The following DLGAP1 variants were observed in gnomAD, a reference collection of about 807,000 sequenced individuals.
The protein encoded by DLGAP1 is disks large-associated protein 1.
In DLGAP1, 11 loss-of-function variants were observed where a neutral mutation model predicts 90.8. That is an observed-to-expected ratio of 0.12 (90% CI 0.08 to 0.20). The LOEUF is 0.20. Ranked by LOEUF, DLGAP1 falls within the 10% of genes least tolerant of loss-of-function variation. The probability of loss-of-function intolerance (pLI) is 1.00; values close to 1 mark genes in which losing one functional copy is unlikely to be tolerated. For missense variants in DLGAP1, 1,050 were observed against 1,333.8 expected (o/e 0.79, Z 3.31); for synonymous variants, 558 against 540.7 (o/e 1.03, Z -0.44).
chr18:3,737,974 C>A (rs1182844666), intron 6 of DLGAP1, among the ~76,000 whole-genome samples: 2 of 150,524 alleles, frequency 1.3e-5, no homozygotes, highest in African/African-American at 2.5e-5. Context: ...TTGTTATACA[C>A]CAACAACAGA....
At chr18:3,741,162 TCACCACCACATCAC>T (rs2062971794) in intron 6 of DLGAP1, among the ~76,000 whole-genome samples, 1 of 33,154 alleles carries the variant, frequency 3.0e-5, no homozygotes, top group African/African-American at 1.4e-4. Flanking sequence ...ACCACCACCA[TCACCACCACATCAC>T]CACCACCACC....
At chr18:4,387,649 G>A (rs1301013500) in intron 1 of DLGAP1, among the ~76,000 whole-genome samples, 1 of 152,170 alleles carries the variant, frequency 6.6e-6, no homozygotes, top group Non-Finnish European at 1.5e-5. Context: ...GAATGAAGAA[G>A]AAATGCAGCT....
intron 2 of DLGAP1, among the ~76,000 whole-genome samples, chr18:4,022,607 T>A (rs1314103079): frequency 1.3e-5 from 2 of 152,216 alleles, no homozygotes; most frequent in Non-Finnish European, 2.9e-5. Flanking sequence ...GCCATGCTAT[T>A]CATACATTGG....
intron 1 of DLGAP1, among the ~76,000 whole-genome samples, chr18:4,235,719 CTTT>C (rs1175101805): frequency 5.0e-5 from 4 of 80,252 alleles, no homozygotes; most frequent in Admixed American, 3.8e-4. Context: ...ATTTCAATGT[CTTT>C]TTTTTTTTTT....
rs145659125 is a variant in DLGAP1 at position 3,871,533 on chromosome 18, G to A, written c.957+7579C>T. On this transcript the variant is annotated intron_variant, in intron 4 of 12. Transcript: ENST00000315677. ...GTTAAAAAAATTAAGGAGAGCAAAA[G>A]TCATTTATTTTACAATTGTTGGATT... Among the ~76,000 whole-genome samples the A allele has an allele frequency of 3.6e-3, 543 of 152,192 alleles. 3 individuals carry two copies. The highest frequency in any genetic ancestry group is 0.013 in the African/African-American group (520 of 41,496).
At chr18:3,533,519 A>T (rs2052147458) in intron 10 of DLGAP1, among the ~76,000 whole-genome samples, 1 of 152,200 alleles carries the variant, frequency 6.6e-6, no homozygotes, top group Non-Finnish European at 1.5e-5. Context: ...AAAATCATAA[A>T]GAATATAAAT....
At chr18:4,198,608 A>G (rs1199330479) in intron 1 of DLGAP1, among the ~76,000 whole-genome samples, 4 of 152,218 alleles carry the variant, frequency 2.6e-5, no homozygotes, top group Admixed American at 6.5e-5. Context: ...TGAAACCCAT[A>G]TATTTGATAG....
intron 1 of DLGAP1, among the ~76,000 whole-genome samples, chr18:4,226,685 A>G (rs927690047): frequency 5.0e-3 from 3 of 604 alleles, no homozygotes; most frequent in African/African-American, 6.9e-3. Context: ...GGTAAACTCA[A>G]AAAAAAAAAA....
At chr18:3,778,792 G>A (rs78806432) in intron 5 of DLGAP1, among the ~76,000 whole-genome samples, 5,246 of 152,284 alleles carry the variant, frequency 0.034, 126 homozygotes, top group Non-Finnish European at 0.049. Flanking sequence ...AGCTGGCCAG[G>A]AAGCAAATGG....
chr18:4,067,360 AGGAG>A (rs931216527), intron 2 of DLGAP1, among the ~76,000 whole-genome samples: 1 of 151,878 alleles, frequency 6.6e-6, no homozygotes, highest in African/African-American at 2.4e-5. Context: ...AAGGGAGGAA[AGGAG>A]GGAGGGAGGA....
chr18:3,757,120 T>C lies in DLGAP1; in HGVS notation c.1173-14608A>G, dbSNP rs373740301. Among the ~76,000 whole-genome samples the C allele has an allele frequency of 1.4e-3, 213 of 152,156 alleles. 7 individuals are homozygous for C. The South Asian group carries it at 0.043, about 31-fold the overall frequency. ...ACCCTGAGATCAAAGCCAAAGATAC[T>C]GCAAGGAGGCCAGATGTAGTGGCTC... On this transcript the variant is annotated intron_variant, in intron 5 of 12. Coordinates refer to ENST00000315677, the MANE Select transcript of DLGAP1 (RefSeq NM_004746.4).
intron 2 of DLGAP1, among the ~76,000 whole-genome samples, chr18:4,066,608 T>A (rs2075373561): frequency 6.6e-6 from 1 of 152,016 alleles, no homozygotes; most frequent in African/African-American, 2.4e-5. Context: ...GAAATGTGAA[T>A]CAAATCAGAA....
At chr18:4,064,193 G>A (rs4254407) in intron 2 of DLGAP1, among the ~76,000 whole-genome samples, 65,816 of 151,584 alleles carry the variant, frequency 0.43, 15,268 homozygotes, top group African/African-American at 0.6. Flanking sequence ...ATTTAAATTA[G>A]AAGGACAGTA....
intron 3 of DLGAP1, among the ~76,000 whole-genome samples, chr18:3,990,910 C>CT (rs896252550): frequency 4.0e-5 from 6 of 151,146 alleles, no homozygotes; most frequent in African/African-American, 1.5e-4. Context: ...AAACCACTCA[C>CT]TTTTTTTTGG....
At chr18:3,862,587 G>T (rs2148747625) in intron 4 of DLGAP1, among the ~76,000 whole-genome samples, 1 of 152,302 alleles carries the variant, frequency 6.6e-6, no homozygotes, top group Non-Finnish European at 1.5e-5. Context: ...GGAAGATCCA[G>T]GGAGATAATG....
chr18:4,435,326 T>C (rs2083376546), intron 1 of DLGAP1, among the ~76,000 whole-genome samples: 1 of 152,152 alleles, frequency 6.6e-6, no homozygotes, highest in Non-Finnish European at 1.5e-5. Context: ...TTTAAGTTTC[T>C]TGCTTGAGCA....
At chr18:4,414,506 T>C (rs1232366346) in intron 1 of DLGAP1, among the ~76,000 whole-genome samples, 1 of 152,106 alleles carries the variant, frequency 6.6e-6, no homozygotes, top group African/African-American at 2.4e-5. Context: ...GGTGGATCAC[T>C]TGAAGTCAGG....
At chr18:3,744,634 C>T (rs540154539) in intron 5 of DLGAP1, among the ~76,000 whole-genome samples, 14 of 152,226 alleles carry the variant, frequency 9.2e-5, no homozygotes, top group Middle Eastern at 3.4e-3. Context: ...CAACCTTCAC[C>T]TCCTGGGTTC....
intron 2 of DLGAP1, among the ~76,000 whole-genome samples, chr18:4,013,036 T>G (rs746313874): frequency 1.3e-5 from 2 of 152,168 alleles, no homozygotes; most frequent in Non-Finnish European, 2.9e-5. Flanking sequence ...GATTGCAATA[T>G]CCTTTCAATG....
Sources: allele counts gnomAD v4.1 joint callset (sites outside exome capture counted in the v4.1 genomes callset), GRCh38; gene constraint gnomAD v4.1.1; transcripts MANE v1.5; gene names NCBI Gene and HGNC (gene_info 2026-07-23, HGNC 2026-07-21).